Variants in NRG1 observed in about 807,000 individuals in gnomAD.
NRG1 encodes pro-neuregulin-1, membrane-bound isoform.
A neutral mutation model predicts 63.8 loss-of-function variants in NRG1; 18 were observed. The ratio of observed to expected loss-of-function variants is 0.28; its 90% CI spans 0.19 to 0.42. The LOEUF is 0.42. NRG1 is among the 10% of genes least tolerant of loss of function. NRG1 has a pLI of 1.00. For synonymous variants in NRG1, 302 were observed against 301.3 expected (o/e 1.00, Z -0.02); for missense variants, 762 against 814.7 (o/e 0.94, Z 0.79).
rs144912691 is a variant in NRG1 at position 31,718,389 on chromosome 8, C to T, written c.37+78958C>T. On this transcript the variant is annotated intron_variant, in intron 1 of 10. Transcript: ENST00000519301. ...ATCAGGCATGCTTCTTATAGGAATC[C>T]TTTAATGCACTCAGTCACCCAGAGC... is the stretch of plus-strand genomic sequence containing the variant. 2.5e-3 allele frequency among the ~76,000 whole-genome samples: 376 copies of T among 152,214 alleles called. 1 individual carries two copies. The Middle Eastern group carries it at 0.031, about 12-fold the overall frequency.
chr8:32,530,739 T>C (rs1831374352), intron 1 of NRG1, among the ~76,000 whole-genome samples: 2 of 152,200 alleles, frequency 1.3e-5, no homozygotes, highest in Admixed American at 6.6e-5. Flanking sequence ...ATGATTCTTA[T>C]ATTCCAAGGA....
At chr8:32,632,714 T>C (rs1277782191) in intron 5 of NRG1, among the ~76,000 whole-genome samples, 2 of 152,234 alleles carry the variant, frequency 1.3e-5, no homozygotes, top group Admixed American at 1.3e-4. Context: ...GGGAAAATTG[T>C]TTCTAATATG....
intron 1 of NRG1, among the ~76,000 whole-genome samples, chr8:31,898,849 CTTCT>C (rs913830384): frequency 7.9e-5 from 12 of 152,136 alleles, no homozygotes; most frequent in Non-Finnish European, 1.2e-4. Flanking sequence ...TTCCTGCTCT[CTTCT>C]TTCTTTTTTT....
intron 1 of NRG1, among the ~76,000 whole-genome samples, chr8:31,998,766 G>A (rs1812444838): frequency 6.6e-6 from 1 of 151,992 alleles, no homozygotes; most frequent in South Asian, 2.1e-4. Context: ...GGCACCTTAG[G>A]AAGGACAAGT....
chr8:32,613,294 G>A (rs1470713321), intron 3 of NRG1, among the ~76,000 whole-genome samples: 2 of 151,990 alleles, frequency 1.3e-5, no homozygotes, highest in Non-Finnish European at 2.9e-5. Context: ...CTTACTAAAG[G>A]TTTATTGCTA....
At chr8:31,971,060 AT>A (rs1173235256) in intron 1 of NRG1, among the ~76,000 whole-genome samples, 2 of 150,030 alleles carry the variant, frequency 1.3e-5, no homozygotes, top group African/African-American at 5.1e-5. Flanking sequence ...AAAAAAAAAA[AT>A]TATGATATTT....
At chr8:31,813,711 C>T (rs1293177632) in intron 1 of NRG1, among the ~76,000 whole-genome samples, 2 of 151,502 alleles carry the variant, frequency 1.3e-5, no homozygotes, top group East Asian at 1.9e-4. Flanking sequence ...TATTTTTTGT[C>T]AAGACAAGGT....
exon 12 of NRG1, chr8:32,767,833 G>A (rs1054034918): frequency 5.9e-5 from 9 of 152,044 alleles, no homozygotes; most frequent in Admixed American, 2.6e-4. Flanking sequence ...ATTGAAGGCC[G>A]TGAGGTACTG....
intron 1 of NRG1, among the ~76,000 whole-genome samples, chr8:31,796,129 C>G (rs768077652): frequency 9.2e-5 from 14 of 152,088 alleles, no homozygotes; most frequent in Non-Finnish European, 1.5e-4. Flanking sequence ...TACACCTAGC[C>G]TTAAAGAGTC....
intron 2 of NRG1, among the ~76,000 whole-genome samples, chr8:32,596,915 A>G (rs1025272602): frequency 1.3e-5 from 2 of 152,130 alleles, no homozygotes; most frequent in African/African-American, 4.8e-5. Context: ...GGAGGTCCAT[A>G]TTTGACAGGG....
chr8:31,809,347 T>TATAC (rs1554539421), intron 1 of NRG1, among the ~76,000 whole-genome samples: 74 of 144,634 alleles, frequency 5.1e-4, no homozygotes, highest in Non-Finnish European at 9.6e-4. Context: ...TATATATATA[T>TATAC]ACACACACAC....
At chr8:32,400,636 C>CA (rs767296211) in intron 1 of NRG1, among the ~76,000 whole-genome samples, 4 of 152,126 alleles carry the variant, frequency 2.6e-5, no homozygotes, top group Non-Finnish European at 5.9e-5. Context: ...ATTAAAAGGT[C>CA]AAAAAATAAC....
chr8:31,827,299 C>T (rs1020650489), intron 1 of NRG1, among the ~76,000 whole-genome samples: 10 of 152,186 alleles, frequency 6.6e-5, no homozygotes, highest in Non-Finnish European at 1.0e-4. Context: ...TTAGTTCTAA[C>T]TGCTACAATT....
rs550610871 is a variant in NRG1, at chr8:31,903,449, G to A, written c.37+264018G>A. Among the ~76,000 whole-genome samples, 27 of 151,472 alleles carry A rather than the reference G, an allele frequency of 1.8e-4. 2 individuals carry two copies. The South Asian group carries it at 4.4e-3, about 25-fold the overall frequency. ...CAGACGTGAGCCACCGCGCCCGGCC[G>A]AGCCTTCAACTTGATTCTTCCATGA... On this transcript the variant is annotated intron_variant, in intron 1 of 10. Transcript: ENST00000519301.
At chr8:32,049,596 C>A (rs1287535882) in intron 1 of NRG1, among the ~76,000 whole-genome samples, 1 of 152,074 alleles carries the variant, frequency 6.6e-6, no homozygotes, top group Non-Finnish European at 1.5e-5. Context: ...TATCTAACAG[C>A]AAATATTTGT....
At chr8:32,200,837 A>G (rs1171511635) in intron 1 of NRG1, among the ~76,000 whole-genome samples, 1 of 152,052 alleles carries the variant, frequency 6.6e-6, no homozygotes, top group Non-Finnish European at 1.5e-5. Context: ...TTGAAGTATG[A>G]TGCTTCATTG....
intron 1 of NRG1, among the ~76,000 whole-genome samples, chr8:31,702,135 C>G (rs1201311084): frequency 6.6e-6 from 1 of 152,166 alleles, no homozygotes; most frequent in South Asian, 2.1e-4. Context: ...ACTGGGCTTA[C>G]AGTATACAGT....
chr8:32,049,286 G>A (rs565498264), intron 1 of NRG1, among the ~76,000 whole-genome samples: 1 of 152,108 alleles, frequency 6.6e-6, no homozygotes, highest in African/African-American at 2.4e-5. Context: ...AACATTCTAA[G>A]CTTATGAAAA....
Position 32,359,399 on chromosome 8 carries a change from G to A in NRG1, c.38-236429G>A, listed in dbSNP as rs537509598. 6.6e-4 allele frequency among the ~76,000 whole-genome samples: 101 copies of A among 152,170 alleles called. 1 individual carries two copies. The highest frequency in any genetic ancestry group is 2.1e-3 in the African/African-American group (89 of 41,514). On this transcript the variant is annotated intron_variant, in intron 1 of 10. Transcript: ENST00000519301. ...TTTTTAAGAATTTTTATATCCCCAT[G>A]CATTGACTAATCTTGCCCCATCATA...
Sources: allele counts gnomAD v4.1 joint callset (sites outside exome capture counted in the v4.1 genomes callset), GRCh38; gene constraint gnomAD v4.1.1; transcripts MANE v1.5; gene names NCBI Gene and HGNC (gene_info 2026-07-23, HGNC 2026-07-21).